The following RNF217 variants were observed in gnomAD, a reference collection of about 807,000 sequenced individuals.
The protein encoded by RNF217 is ring finger protein 217.
Under a neutral mutation model 57.8 loss-of-function variants are expected in RNF217, and 31 were observed. The ratio of observed to expected loss-of-function variants is 0.54; its 90% CI spans 0.40 to 0.72. RNF217 has a LOEUF of 0.72. RNF217 is among the 30% of genes least tolerant of loss of function. The pLI is 0.00. For synonymous variants in RNF217, 313 were observed against 294.0 expected, an observed-to-expected ratio of 1.06 and a Z score of -0.66; for missense variants, 696 against 708.3, an observed-to-expected ratio of 0.98 and a Z score of 0.20.
intron 1 of RNF217, among the ~76,000 whole-genome samples, chr6:125,003,690 C>G (rs144062121): frequency 9.2e-4 from 140 of 151,966 alleles, no homozygotes; most frequent in African/African-American, 3.1e-3. Context: ...CACATTATAC[C>G]TTATAAATAT....
chr6:125,047,012 A>G (rs1266286852), intron 2 of RNF217, among the ~76,000 whole-genome samples: 1 of 152,092 alleles, frequency 6.6e-6, no homozygotes, highest in African/African-American at 2.4e-5. Flanking sequence ...CATTAATAGA[A>G]TACTTTTATT....
chr6:125,064,148 G>T (rs1787851841), intron 3 of RNF217, among the ~76,000 whole-genome samples: 1 of 152,042 alleles, frequency 6.6e-6, no homozygotes, highest in African/African-American at 2.4e-5. Flanking sequence ...ACATTCAGAG[G>T]CTGACTACTT....
chr6:125,075,604 C>G (rs1788332387), intron 3 of RNF217, among the ~76,000 whole-genome samples: 1 of 152,158 alleles, frequency 6.6e-6, no homozygotes, highest in South Asian at 2.1e-4. Context: ...CCACTTGACC[C>G]TGCCCTTGAC....
At chr6:125,048,268 T>A in intron 2 of RNF217, 1 of 1,340,976 alleles carries the variant, frequency 7.5e-7, no homozygotes, top group Non-Finnish European at 9.9e-7. Context: ...AGGTGAACAT[T>A]TTTTATTTTG....
At chr6:124,995,591 T>C (rs1784716597) in intron 1 of RNF217, among the ~76,000 whole-genome samples, 1 of 152,176 alleles carries the variant, frequency 6.6e-6, no homozygotes, top group South Asian at 2.1e-4. Context: ...GTTTGTTGTA[T>C]GAATATAACC....
chr6:125,029,785 T>C (rs1447930773), intron 1 of RNF217, among the ~76,000 whole-genome samples: 1 of 152,196 alleles, frequency 6.6e-6, no homozygotes, highest in African/African-American at 2.4e-5. Context: ...ATGAAAAGTT[T>C]TGGAATAAAA....
intron 1 of RNF217, among the ~76,000 whole-genome samples, chr6:124,967,297 A>G (rs1350982639): frequency 6.6e-6 from 1 of 152,082 alleles, no homozygotes; most frequent in South Asian, 2.1e-4. Context: ...CCTTTACCAC[A>G]TTTTCCTAGG....
At chr6:125,002,182 G>C (rs1785015398) in intron 1 of RNF217, among the ~76,000 whole-genome samples, 1 of 152,140 alleles carries the variant, frequency 6.6e-6, no homozygotes, top group South Asian at 2.1e-4. Flanking sequence ...CTTGTTGTTA[G>C]CTTCTAAATG....
chr6:125,010,637 TA>T (rs1785380748), intron 1 of RNF217, among the ~76,000 whole-genome samples: 1 of 152,228 alleles, frequency 6.6e-6, no homozygotes, highest in Admixed American at 6.5e-5. Context: ...GTTAAAAAAA[TA>T]GATCTTTACA....
chr6:125,038,503 A>C (rs1023990180), intron 1 of RNF217, among the ~76,000 whole-genome samples: 2 of 152,194 alleles, frequency 1.3e-5, no homozygotes, highest in African/African-American at 4.8e-5. Context: ...AGGGTATAGA[A>C]GAAATAAGAT....
chr6:124,971,656 A>G (rs1051594658), intron 1 of RNF217: 1 of 171,236 alleles, frequency 5.8e-6, no homozygotes, highest in South Asian at 1.0e-4. Context: ...GGGTTTCACC[A>G]TGTTGGCCAG....
intron 3 of RNF217, among the ~76,000 whole-genome samples, chr6:125,060,368 C>G (rs1262403546): frequency 6.6e-6 from 1 of 151,972 alleles, no homozygotes; most frequent in Non-Finnish European, 1.5e-5. Context: ...CACACACACA[C>G]ACACACACAC....
At chr6:125,050,709 C>T (rs1355676256) in intron 2 of RNF217, among the ~76,000 whole-genome samples, 1 of 151,430 alleles carries the variant, frequency 6.6e-6, no homozygotes, top group East Asian at 1.9e-4. Context: ...CTGCTTTGTT[C>T]TGGTTTTCCC....
chr6:125,078,605 C>T (rs191791330), intron 4 of RNF217, among the ~76,000 whole-genome samples: 126 of 152,220 alleles, frequency 8.3e-4, no homozygotes, highest in Admixed American at 1.2e-3. Flanking sequence ...ATAACTAACA[C>T]GCTCCTATGA....
chr6:125,069,359 C>T (rs1472180418), intron 3 of RNF217, among the ~76,000 whole-genome samples: 2 of 152,120 alleles, frequency 1.3e-5, no homozygotes, highest in Admixed American at 6.5e-5. Context: ...CTGATAATTA[C>T]CTCTAAATAG....
chr6:124,981,905 G>A (rs1342530366), intron 1 of RNF217, among the ~76,000 whole-genome samples: 1 of 150,818 alleles, frequency 6.6e-6, no homozygotes, highest in African/African-American at 2.4e-5. Context: ...ATGGGCACCT[G>A]TAGTCCCAGC....
chr6:125,060,633 C>T lies in RNF217; in HGVS notation c.1281+2527C>T, dbSNP rs140907074. Among the ~76,000 whole-genome samples, 1,115 of 151,898 alleles carry T rather than the reference C, an allele frequency of 7.3e-3. 15 individuals are homozygous for T. Among genetic ancestry groups the T allele is most frequent in the African/African-American group, 0.025 (1,026 of 41,440 alleles). ...GTAATTTTTGTTTCTTCAGTAGAGACGGGGTTTCACCATGTTGGCCAGGTT... is the reference window on the plus strand; with the variant it reads ...GTAATTTTTGTTTCTTCAGTAGAGATGGGGTTTCACCATGTTGGCCAGGTT... On this transcript the variant is annotated intron_variant, in intron 3 of 5. Coordinates refer to ENST00000521654, the MANE Select transcript of RNF217 (RefSeq NM_001286398.3).
intron 1 of RNF217, among the ~76,000 whole-genome samples, chr6:124,998,876 A>C (rs1040093016): frequency 1.3e-5 from 2 of 152,240 alleles, no homozygotes; most frequent in Non-Finnish European, 2.9e-5. Context: ...TGTAGTGGGC[A>C]AGGAATCTAT....
At chr6:125,063,491 T>A (rs964221702) in intron 3 of RNF217, among the ~76,000 whole-genome samples, 4 of 152,182 alleles carry the variant, frequency 2.6e-5, no homozygotes, top group Admixed American at 2.6e-4. Context: ...GTTTGTGGTG[T>A]TATCACAGTA....
Sources: gnomAD v4.1 joint callset for allele counts (sites outside exome capture counted in the v4.1 genomes callset) on GRCh38, gnomAD v4.1.1 for gene constraint, MANE v1.5 for transcripts, NCBI Gene and HGNC (gene_info 2026-07-23, HGNC 2026-07-21) for gene names.